The following KCNQ1 variants were observed in gnomAD, a reference collection of about 807,000 sequenced individuals.
KCNQ1 encodes potassium voltage-gated channel subfamily KQT member 1.
KCNQ1 carries 49 observed loss-of-function variants against 72.4 expected under a neutral mutation model. The observed-to-expected ratio is 0.68, with a 90% CI of 0.54 to 0.86. The LOEUF (loss-of-function observed/expected upper bound fraction) is 0.86. Among genes scored for constraint, KCNQ1 ranks in the 40% least tolerant of loss-of-function variants. KCNQ1 has a pLI of 0.00. For synonymous variants in KCNQ1, 450 were observed against 412.6 expected, an observed-to-expected ratio of 1.09 and a Z score of -1.10; for missense variants, 790 against 945.1, an observed-to-expected ratio of 0.84 and a Z score of 2.15.
At chr11:2,604,139 G>GT (rs1848846547) in intron 10 of KCNQ1, among the ~76,000 whole-genome samples, 1 of 152,082 alleles carries the variant, frequency 6.6e-6, no homozygotes, top group Non-Finnish European at 1.5e-5. Context: ...GAACATGTGG[G>GT]TTTTTGTGTG....
rs540772809 is a variant in KCNQ1 at position 2,478,037 on chromosome 11, C to T, written c.386+32553C>T. Among the ~76,000 whole-genome samples, 143 of 152,254 alleles carry T rather than the reference C, an allele frequency of 9.4e-4. 1 individual carries two copies. Among genetic ancestry groups the T allele is most frequent in the Non-Finnish European group, 1.7e-3 (115 of 68,014 alleles). ...TAGAGGCAAAGCTGGCGACACCACC[C>T]GAGCCAAGTGATCCAAGTTAACATC... On this transcript the variant is annotated intron_variant, in intron 1 of 15. Coordinates refer to ENST00000155840, the MANE Select transcript of KCNQ1 (RefSeq NM_000218.3). This position sits in a 1 kb window ranked among gnomAD's most constrained non-coding sequence, Gnocchi z 4.0.
intron 10 of KCNQ1, chr11:2,630,333 T>A (rs916732063): frequency 7.5e-6 from 3 of 398,308 alleles, no homozygotes; most frequent in African/African-American, 6.2e-5. Flanking sequence ...TGAAAATTTT[T>A]AAATGTATAG....
At position 2,848,840 on chromosome 11, in the gene KCNQ1, G is replaced by A. The variant is rs139633955; in HGVS notation, c.*837G>A. 1.9e-3 allele frequency: 849 copies of A among 454,162 alleles called. 23 individuals are homozygous for A. The East Asian group carries it at 0.046, about 25-fold the overall frequency. The allele number at this position is 454,162 out of a possible 1,614,324, so 28.1% of individuals were successfully genotyped here. A position where few individuals can be genotyped will look rare whatever the true frequency, so the allele number is the denominator to read the frequency against. On this transcript the variant is annotated 3_prime_UTR_variant, in exon 16 of 16. Coordinates refer to ENST00000155840, the MANE Select transcript of KCNQ1 (RefSeq NM_000218.3). ...AGCTGCTGAGCCGCAGAGAAGTGAC[G>A]GTTCCTACACAGGACAGGGGTTCCT...
In KCNQ1 at chr11:2,484,977, A is replaced by G. The variant is rs2133617698; in HGVS notation, c.386+39493A>G. ...CCCCAGCTGCAAGGGAACTGGCTCCATACTTGCTGATGCGTGCCCCCATGA... is the reference window on the plus strand; with the variant it reads ...CCCCAGCTGCAAGGGAACTGGCTCCGTACTTGCTGATGCGTGCCCCCATGA... On this transcript the variant is annotated intron_variant, in intron 1 of 15. Coordinates refer to ENST00000155840, the MANE Select transcript of KCNQ1 (RefSeq NM_000218.3). The surrounding 1 kb of genome is among the most constrained non-coding windows in gnomAD (Gnocchi z 5.2). 6.6e-6 allele frequency among the ~76,000 whole-genome samples: 1 copy of G among 152,164 alleles called. No homozygotes were observed. Among genetic ancestry groups the G allele is most frequent in the South Asian group, 2.1e-4 (1 of 4,816 alleles).
rs1353859746 is a variant in KCNQ1 at position 2,663,405 on chromosome 11, T to C, written c.1514+1324T>C. Reference sequence around the variant, plus strand: ...CAGAAGGCAGAATGATGGCTTACACTGTGGCCAAGGCCTGTACCAAGTCCT... The same window carrying C: ...CAGAAGGCAGAATGATGGCTTACACCGTGGCCAAGGCCTGTACCAAGTCCT... On this transcript the variant is annotated intron_variant, in intron 11 of 15. Coordinates refer to ENST00000155840, the MANE Select transcript of KCNQ1 (RefSeq NM_000218.3). The surrounding 1 kb of genome is among the most constrained non-coding windows in gnomAD (Gnocchi z 5.2). 1 of 398,900 alleles carries C rather than the reference T, an allele frequency of 2.5e-6. No homozygotes were observed. Among genetic ancestry groups the C allele is most frequent in the Non-Finnish European group, 4.4e-6 (1 of 226,270 alleles). 24.7% of individuals were successfully genotyped at this position (398,900 alleles called of 1,614,324 possible). A position where few individuals can be genotyped will look rare whatever the true frequency, so the allele number is the denominator to read the frequency against.
rs1469315334 is a variant in KCNQ1 at position 2,698,973 on chromosome 11, G to A, written c.1514+36892G>A. 2 of 398,444 alleles carry A rather than the reference G, an allele frequency of 5.0e-6. No homozygotes were observed. The highest frequency in any genetic ancestry group is 3.6e-5 in the East Asian group (1 of 28,078). 24.7% of individuals were successfully genotyped at this position (398,444 alleles called of 1,614,324 possible). Reference sequence around the variant, plus strand: ...AGGATACCTAACTCAGAACCACAACGGGGATTCCCACCTCCGATCCTAATT... The same window carrying A: ...AGGATACCTAACTCAGAACCACAACAGGGATTCCCACCTCCGATCCTAATT... On this transcript the variant is annotated intron_variant, in intron 11 of 15. Coordinates refer to ENST00000155840, the MANE Select transcript of KCNQ1 (RefSeq NM_000218.3). The surrounding 1 kb of genome is among the most constrained non-coding windows in gnomAD (Gnocchi z 5.1).
At chr11:2,699,867 T>C (rs988721911) in intron 11 of KCNQ1, 1 of 393,818 alleles carries the variant, frequency 2.5e-6, no homozygotes, top group African/African-American at 2.1e-5. Context: ...GGGAGAATCG[T>C]GCTGAGGAGC....
chr11:2,461,578 G>A (rs777016344), intron 1 of KCNQ1: 72 of 1,355,884 alleles, frequency 5.3e-5, no homozygotes, highest in South Asian at 2.7e-4. Flanking sequence ...CCCAGATCAC[G>A]GCTGCTTTTG....
rs1360886456 is a variant in KCNQ1, at chr11:2,848,377, G to A, written c.*374G>A. 2.0e-6 allele frequency: 1 copy of A among 504,518 alleles called. No individual in the cohort carries two copies. Among genetic ancestry groups the A allele is most frequent in the Admixed American group, 2.3e-5 (1 of 43,864 alleles). 31.3% of individuals were successfully genotyped at this position (504,518 alleles called of 1,614,324 possible). On this transcript the variant is annotated 3_prime_UTR_variant, in exon 16 of 16. Coordinates refer to ENST00000155840, the MANE Select transcript of KCNQ1 (RefSeq NM_000218.3). Reference sequence around the variant, plus strand: ...TGCAGGCCCACCCTGCTTGGCCCAGGGGGCTTCCTGAGGGGAGACAGAGCA... The same window carrying A: ...TGCAGGCCCACCCTGCTTGGCCCAGAGGGCTTCCTGAGGGGAGACAGAGCA...
At chr11:2,844,107 C>T (rs1008234949) in intron 15 of KCNQ1, among the ~76,000 whole-genome samples, 1 of 152,150 alleles carries the variant, frequency 6.6e-6, no homozygotes, top group Non-Finnish European at 1.5e-5. Context: ...TCCTCCATCG[C>T]CAAAAAAAAC....
intron 10 of KCNQ1, chr11:2,609,647 T>C: frequency 2.5e-6 from 1 of 398,412 alleles, no homozygotes; most frequent in Non-Finnish European, 4.4e-6. Flanking sequence ...TATTGTTGAA[T>C]TGGCTATTTC....
intron 7 of KCNQ1, among the ~76,000 whole-genome samples, chr11:2,584,948 A>G (rs980243780): frequency 6.6e-6 from 1 of 152,194 alleles, no homozygotes; most frequent in African/African-American, 2.4e-5. Flanking sequence ...CCTGGCCCCC[A>G]GAATGGTCCC....
At chr11:2,524,448 C>T (rs1415423551) in intron 1 of KCNQ1, among the ~76,000 whole-genome samples, 4 of 152,180 alleles carry the variant, frequency 2.6e-5, no homozygotes, top group Non-Finnish European at 2.9e-5. Context: ...GATAGTGTGG[C>T]AGTGATGTCA....
In KCNQ1 at chr11:2,828,954, A is replaced by C. The variant is rs1477436082; in HGVS notation, c.1795-18813A>C. Reference sequence around the variant, plus strand: ...CTTAACAGCAATTCAGAAAGCTAGCACATAGTAGAGAAATGCCTTCAAACA... The same window carrying C: ...CTTAACAGCAATTCAGAAAGCTAGCCCATAGTAGAGAAATGCCTTCAAACA... On this transcript the variant is annotated intron_variant, in intron 15 of 15. Coordinates refer to ENST00000155840, the MANE Select transcript of KCNQ1 (RefSeq NM_000218.3). The surrounding 1 kb of genome is among the most constrained non-coding windows in gnomAD (Gnocchi z 5.3). Among the ~76,000 whole-genome samples the C allele has an allele frequency of 6.6e-6, 1 of 152,254 alleles. No individual in the cohort carries two copies.
chr11:2,745,997 G>A lies in KCNQ1; in HGVS notation c.1515-22847G>A, dbSNP rs553008155. Among the ~76,000 whole-genome samples, 366 of 152,254 alleles carry A rather than the reference G, an allele frequency of 2.4e-3. 1 individual carries two copies. Among genetic ancestry groups the A allele is most frequent in the African/African-American group, 8.0e-3 (332 of 41,532 alleles). On this transcript the variant is annotated intron_variant, in intron 11 of 15. Coordinates refer to ENST00000155840, the MANE Select transcript of KCNQ1 (RefSeq NM_000218.3). The surrounding 1 kb of genome is among the most constrained non-coding windows in gnomAD (Gnocchi z 6.2). ...CTCCACCTCCCGGGTTCAAGCGATT[G>A]TCTCACCTCAGCCTCCTGAGTAGCT...
intron 1 of KCNQ1, chr11:2,461,830 A>G: frequency 1.1e-5 from 7 of 618,466 alleles, no homozygotes; most frequent in Middle Eastern, 3.1e-4. Flanking sequence ...GGATAGATGA[A>G]GTACTGGGTG....
chr11:2,572,165 C>T, intron 5 of KCNQ1, 56 bp downstream of exon 5: 2 of 1,329,010 alleles, frequency 1.5e-6, no homozygotes, highest in South Asian at 1.2e-5. Flanking sequence ...ACGGAGGGAG[C>T]AGAGCAGCCC....
chr11:2,665,697 G>C (rs907855384), intron 11 of KCNQ1: 3 of 398,076 alleles, frequency 7.5e-6, no homozygotes, highest in African/African-American at 6.2e-5. Flanking sequence ...GAGGGAGAAG[G>C]GCATGTATAG....
Position 2,679,109 on chromosome 11 carries a change from T to G in KCNQ1, c.1514+17028T>G, listed in dbSNP as rs1850343726. 2 of 398,528 alleles carry G rather than the reference T, an allele frequency of 5.0e-6. No individual in the cohort carries two copies. The highest frequency in any genetic ancestry group is 8.8e-6 in the Non-Finnish European group (2 of 226,076). The allele number at this position is 398,528 out of a possible 1,614,324, so 24.7% of individuals were successfully genotyped here. A position where few individuals can be genotyped will look rare whatever the true frequency, so the allele number is the denominator to read the frequency against. The stretch of plus-strand genomic sequence containing the variant: ...GTCATAGCTAGAGCTAGAGTGCTGT[T>G]ATAAGCTGTGCAGGCCAAAATGGTT... On this transcript the variant is annotated intron_variant, in intron 11 of 15. Coordinates refer to ENST00000155840, the MANE Select transcript of KCNQ1 (RefSeq NM_000218.3). The surrounding 1 kb of genome is among the most constrained non-coding windows in gnomAD (Gnocchi z 4.8).
Sources: allele counts gnomAD v4.1 joint callset (sites outside exome capture counted in the v4.1 genomes callset), GRCh38; gene constraint gnomAD v4.1.1; non-coding constraint Gnocchi (gnomAD v3.1); transcripts MANE v1.5; gene names NCBI Gene and HGNC (gene_info 2026-07-23, HGNC 2026-07-21).